The following GTF2IRD1 variants were observed in gnomAD, a reference collection of about 807,000 sequenced individuals.
The protein encoded by GTF2IRD1 is GTF2I repeat domain containing 1, also known as general transcription factor II-I repeat domain-containing protein 1.
In GTF2IRD1, 26 loss-of-function variants were observed where a neutral mutation model predicts 113.2. The observed-to-expected ratio is 0.23, with a 90% CI of 0.17 to 0.32. The LOEUF (loss-of-function observed/expected upper bound fraction) is 0.32, where lower values mean the gene tolerates loss of function less well. Among genes scored for constraint, GTF2IRD1 ranks in the 10% least tolerant of loss-of-function variants. The probability of loss-of-function intolerance (pLI) is 1.00; values close to 1 mark genes in which losing one functional copy is unlikely to be tolerated. For synonymous variants in GTF2IRD1, 484 were observed against 529.1 expected, an observed-to-expected ratio of 0.91 and a Z score of 1.17; for missense variants, 864 against 1,280.8, an observed-to-expected ratio of 0.67 and a Z score of 4.97.
At chr7:74,536,074 C>T in intron 10 of GTF2IRD1, 93 bp from the exon 11 acceptor site, 1 of 798,488 alleles carries the variant, frequency 1.3e-6, no homozygotes, top group Non-Finnish European at 2.2e-6. Flanking sequence ...CCCCGGGATT[C>T]CCCCAGCTTC....
chr7:74,515,457 G>C lies in GTF2IRD1; in HGVS notation c.282G>C (p.Lys94Asn), dbSNP rs782400686. The C allele has an allele frequency of 6.3e-7, 1 of 1,596,308 alleles. No homozygotes were observed. Among genetic ancestry groups the C allele is most frequent in the South Asian group, 1.1e-5 (1 of 89,184 alleles). The part of the protein sequence containing the change: ...FLRFCRGPPW[K>N]DPEAEHPKKV... ...GTCCCACAGGAGGGCCCCCGTGGAA[G>C]GATCCGGAGGCAGAGCACCCCAAGA... The change falls in exon 4 of 27, where the codon AAG becomes AAC. Residue 94 changes from lysine to asparagine, a missense_variant. Physicochemically the swap from Lys to Asn is moderately conservative, Grantham distance 94 (BLOSUM62 0). This residue lies in a region of GTF2IRD1 where 182 missense variants were observed against 266.6 expected (regional missense o/e 0.68). Coordinates refer to ENST00000424337, the MANE Select transcript of GTF2IRD1 (RefSeq NM_005685.4).
In GTF2IRD1 at chr7:74,556,816, G is replaced by A. The variant is rs182586173; in HGVS notation, c.2024-823G>A. On this transcript the variant is annotated intron_variant, in intron 19 of 26. Transcript: ENST00000424337. ...TTTTTGTATTTTTAGTAGAGATAGG[G>A]TTTCACCACATTGGCCAGGCTGGTT... Among the ~76,000 whole-genome samples, 28 of 126,714 alleles carry A rather than the reference G, an allele frequency of 2.2e-4. No homozygotes were observed. In the East Asian group the frequency reaches 5.0e-3, roughly 22 times the overall value. The allele number at this position is 126,714 out of a possible 152,430, so 83.1% of individuals were successfully genotyped here.
At chr7:74,454,789 G>A (rs935073790) in intron 1 of GTF2IRD1, among the ~76,000 whole-genome samples, 4 of 152,166 alleles carry the variant, frequency 2.6e-5, no homozygotes, top group Non-Finnish European at 5.9e-5. Context: ...GGCAGTGGGG[G>A]GACCACAAAG....
intron 2 of GTF2IRD1, among the ~76,000 whole-genome samples, chr7:74,509,459 G>T (rs1278120085): frequency 6.6e-6 from 1 of 151,948 alleles, no homozygotes; most frequent in East Asian, 1.9e-4. Context: ...CTTGAACCTG[G>T]GAGGCAGAGG....
chr7:74,552,791 T>C (rs1337118865), intron 17 of GTF2IRD1, among the ~76,000 whole-genome samples: 1 of 152,054 alleles, frequency 6.6e-6, no homozygotes, highest in Non-Finnish European at 1.5e-5. Flanking sequence ...CTCATGAGCA[T>C]TGGTTTTTTG....
chr7:74,495,485 A>G (rs1795604797), intron 1 of GTF2IRD1, among the ~76,000 whole-genome samples: 1 of 152,142 alleles, frequency 6.6e-6, no homozygotes, highest in South Asian at 2.1e-4. Context: ...TTCATGGCTC[A>G]TGATTCTTCC....
intron 1 of GTF2IRD1, among the ~76,000 whole-genome samples, chr7:74,482,091 A>C (rs1794769839): frequency 1.3e-5 from 2 of 152,130 alleles, no homozygotes; most frequent in Admixed American, 1.3e-4. Flanking sequence ...CTGGAGGTGG[A>C]GCCCTGCCTC....
intron 1 of GTF2IRD1, among the ~76,000 whole-genome samples, chr7:74,469,084 CAA>C (rs11337115): frequency 2.3e-3 from 324 of 140,378 alleles, no homozygotes; most frequent in Middle Eastern, 3.5e-3. Flanking sequence ...GACTCCATCT[CAA>C]AAAAAAAAAA....
chr7:74,462,991 C>T (rs1793478616), intron 1 of GTF2IRD1, among the ~76,000 whole-genome samples: 1 of 152,126 alleles, frequency 6.6e-6, no homozygotes, highest in South Asian at 2.1e-4. Context: ...GGTGTCTTGC[C>T]CATCATCTTA....
At chr7:74,585,119 T>C (rs1801647539) in intron 22 of GTF2IRD1, among the ~76,000 whole-genome samples, 1 of 148,974 alleles carries the variant, frequency 6.7e-6, no homozygotes, top group South Asian at 2.2e-4. Context: ...TGTTTTTTTT[T>C]TTTTTTTTTT....
At chr7:74,483,110 G>A (rs1314029592) in intron 1 of GTF2IRD1, among the ~76,000 whole-genome samples, 1 of 152,188 alleles carries the variant, frequency 6.6e-6, no homozygotes, top group East Asian at 1.9e-4. Context: ...TCAGTCTGAC[G>A]CCTCTGGGCC....
chr7:74,559,548 G>T lies in GTF2IRD1; in HGVS notation c.2292-79G>T, dbSNP rs112345424. The T allele has an allele frequency of 3.0e-6, 4 of 1,311,896 alleles. No homozygotes were observed. In the Admixed American group the frequency reaches 8.8e-5, roughly 29 times the overall value. 81.3% of individuals were successfully genotyped at this position (1,311,896 alleles called of 1,614,324 possible). ...GTCTGGGGTGCTCCCAGGGGAGACCGAGGCCACTGAATCCCAGGGGTGTCT... is the reference window on the plus strand; with the variant it reads ...GTCTGGGGTGCTCCCAGGGGAGACCTAGGCCACTGAATCCCAGGGGTGTCT... On this transcript the variant is annotated intron_variant, in intron 21 of 26. Transcript: ENST00000424337.
At chr7:74,558,279 C>CAA (rs142472718) in intron 20 of GTF2IRD1, among the ~76,000 whole-genome samples, 2 of 60,858 alleles carry the variant, frequency 3.3e-5, no homozygotes, top group Non-Finnish European at 6.4e-5. Flanking sequence ...AACTCCGTCT[C>CAA]AAAAAAAAAA....
intron 2 of GTF2IRD1, among the ~76,000 whole-genome samples, chr7:74,511,472 T>C (rs1183801105): frequency 2.0e-5 from 3 of 152,270 alleles, no homozygotes; most frequent in Admixed American, 6.5e-5. Context: ...TTATTTGTTT[T>C]ATTTTTTGTT....
chr7:74,528,003 T>C (rs1554347573), intron 8 of GTF2IRD1, among the ~76,000 whole-genome samples: 48 of 152,088 alleles, frequency 3.2e-4, no homozygotes, highest in Non-Finnish European at 1.5e-5. Flanking sequence ...GCTTCTGGGG[T>C]GTGTTTTGTT....
At chr7:74,595,870 C>T (rs762556342) in intron 25 of GTF2IRD1, 7 of 152,336 alleles carry the variant, frequency 4.6e-5, no homozygotes, top group Non-Finnish European at 1.0e-4. Context: ...AGGCATTGCC[C>T]GAGACTGGCC....
At chr7:74,577,178 C>T (rs1801124775) in intron 22 of GTF2IRD1, among the ~76,000 whole-genome samples, 1 of 152,142 alleles carries the variant, frequency 6.6e-6, no homozygotes, top group East Asian at 1.9e-4. Flanking sequence ...GCTGTGACTA[C>T]AAGCGTGCAC....
At chr7:74,482,316 C>T (rs1005826225) in intron 1 of GTF2IRD1, among the ~76,000 whole-genome samples, 11 of 150,568 alleles carry the variant, frequency 7.3e-5, no homozygotes, top group Non-Finnish European at 1.5e-4. Flanking sequence ...CAGCCTCAAC[C>T]TCATGGGATC....
chr7:74,495,598 G>A (rs1795612334), intron 1 of GTF2IRD1, among the ~76,000 whole-genome samples: 2 of 152,218 alleles, frequency 1.3e-5, no homozygotes, highest in African/African-American at 2.4e-5. Context: ...CTGTTCTCCA[G>A]GAGCCAGTGC....
Sources: allele counts gnomAD v4.1 joint callset (sites outside exome capture counted in the v4.1 genomes callset), GRCh38; gene constraint gnomAD v4.1.1; regional missense constraint gnomAD v4.1.1; transcripts MANE v1.5; gene names NCBI Gene and HGNC (gene_info 2026-07-23, HGNC 2026-07-21).